GALNT18: variants seen among roughly 807,000 people sequenced by gnomAD.
The protein encoded by GALNT18 is polypeptide N-acetylgalactosaminyltransferase 18.
Under a neutral mutation model 69.5 loss-of-function variants are expected in GALNT18, and 44 were observed. That is an observed-to-expected ratio of 0.63 (90% confidence interval 0.50 to 0.81). The LOEUF (loss-of-function observed/expected upper bound fraction) is 0.81, where lower values mean the gene tolerates loss of function less well. Ranked by LOEUF, GALNT18 falls within the 40% of genes least tolerant of loss-of-function variation. The pLI, the probability that GALNT18 is intolerant of heterozygous loss-of-function variation, is 0.00. For missense variants in GALNT18, 715 were observed against 810.0 expected (o/e 0.88, Z 1.42); for synonymous variants, 364 against 318.2 (o/e 1.14, Z -1.53).
At chr11:11,487,689 A>C (rs1434207564) in intron 1 of GALNT18, among the ~76,000 whole-genome samples, 1 of 152,218 alleles carries the variant, frequency 6.6e-6, no homozygotes, top group Non-Finnish European at 1.5e-5. Context: ...AGCCCCAAGC[A>C]TTGCTCAGAA....
In GALNT18 at chr11:11,605,298, T is replaced by A. The variant is rs199614268; in HGVS notation, c.235+16061A>T. On this transcript the variant is annotated intron_variant, in intron 1 of 10. Coordinates refer to ENST00000227756, the MANE Select transcript of GALNT18 (RefSeq NM_198516.3). This position sits in a 1 kb window ranked among gnomAD's most constrained non-coding sequence, Gnocchi z 4.7. Reference sequence around the variant, plus strand: ...TGCCCACCTTGACACCTGGGCCATCTCCTCAAGGGATTTCCACAGGCAAGC... The same window carrying A: ...TGCCCACCTTGACACCTGGGCCATCACCTCAAGGGATTTCCACAGGCAAGC... 3.3e-5 allele frequency among the ~76,000 whole-genome samples: 5 copies of A among 152,254 alleles called. No homozygotes were observed. The East Asian group carries it at 9.7e-4, about 29-fold the overall frequency.
At chr11:11,520,578 T>A (rs1857373926) in intron 1 of GALNT18, among the ~76,000 whole-genome samples, 2 of 152,170 alleles carry the variant, frequency 1.3e-5, no homozygotes, top group African/African-American at 4.8e-5. Context: ...GCTGGCTTCC[T>A]GTGAGGCAGC....
At chr11:11,293,450 A>G (rs568304599) in intron 9 of GALNT18, among the ~76,000 whole-genome samples, 2 of 151,720 alleles carry the variant, frequency 1.3e-5, no homozygotes, top group South Asian at 4.2e-4. Flanking sequence ...TGTAATATAC[A>G]CTGATTTCTG....
At chr11:11,350,204 C>T (rs1366335049) in intron 6 of GALNT18, among the ~76,000 whole-genome samples, 1 of 152,182 alleles carries the variant, frequency 6.6e-6, no homozygotes, top group East Asian at 1.9e-4. Flanking sequence ...AACCCAGGGT[C>T]AAGTTAGAGG....
chr11:11,415,290 T>A lies in GALNT18; in HGVS notation c.595+17331A>T, dbSNP rs1442549506. The stretch of plus-strand genomic sequence containing the variant: ...GGACTCAGATTAGTATTTGCTTGAA[T>A]AACTCGGCGAAGTGAATATACACCA... On this transcript the variant is annotated intron_variant, in intron 3 of 10. Transcript: ENST00000227756. This position sits in a 1 kb window ranked among gnomAD's most constrained non-coding sequence, Gnocchi z 4.1. Among the ~76,000 whole-genome samples the A allele has an allele frequency of 1.3e-5, 2 of 152,130 alleles. No homozygotes were observed. The highest frequency in any genetic ancestry group is 2.9e-5 in the Non-Finnish European group (2 of 68,030).
chr11:11,579,297 T>C (rs1002951973), intron 1 of GALNT18, among the ~76,000 whole-genome samples: 6 of 152,128 alleles, frequency 3.9e-5, no homozygotes, highest in African/African-American at 1.4e-4. Context: ...GAGCCCCACC[T>C]GTCACCATAC....
chr11:11,585,960 A>G (rs112248464), intron 1 of GALNT18, among the ~76,000 whole-genome samples: 2,343 of 152,164 alleles, frequency 0.015, 61 homozygotes, highest in African/African-American at 0.053. Flanking sequence ...TAGAGCCCTC[A>G]TGGGTGGGAT....
intron 1 of GALNT18, among the ~76,000 whole-genome samples, chr11:11,536,672 G>T (rs912077941): frequency 3.9e-5 from 6 of 152,028 alleles, no homozygotes; most frequent in African/African-American, 1.4e-4. Context: ...AAACCTCCTG[G>T]TCCCTGCATG....
intron 1 of GALNT18, among the ~76,000 whole-genome samples, chr11:11,566,986 CT>C (rs1275506726): frequency 6.6e-6 from 1 of 152,168 alleles, no homozygotes; most frequent in Admixed American, 6.5e-5. Context: ...CTGCTTAGGC[CT>C]CTTTTTGCCT....
At position 11,371,569 on chromosome 11, in the gene GALNT18, G is replaced by A. The variant is rs534315790; in HGVS notation, c.1092+946C>T. ...AGGCACAGGGTTCTCTCCAAGCATC[G>A]GCAAGCCTGTAGAGTGTGGGGGTGG... On this transcript the variant is annotated intron_variant, in intron 6 of 10. Transcript: ENST00000227756. 7.7e-5 allele frequency among the ~76,000 whole-genome samples: 11 copies of A among 141,988 alleles called. No individual in the cohort carries two copies. In the South Asian group the frequency reaches 1.3e-3, roughly 17 times the overall value. The allele number at this position is 141,988 out of a possible 152,430, so 93.1% of individuals were successfully genotyped here. A position where few individuals can be genotyped will look rare whatever the true frequency, so the allele number is the denominator to read the frequency against.
chr11:11,376,929 A>G (rs571786513), intron 5 of GALNT18, among the ~76,000 whole-genome samples: 1 of 152,312 alleles, frequency 6.6e-6, no homozygotes, highest in South Asian at 2.1e-4. Context: ...CCCAACCTGG[A>G]GCACAGTGGT....
rs149221299 is a variant in GALNT18, at chr11:11,439,063, G to A, written c.429-6276C>T. ...AGGCAGCCTAGCACAGAAGCTCTGCGTAGCTGGATCTAGTAATTTTAAAGA... is the reference window on the plus strand; with the variant it reads ...AGGCAGCCTAGCACAGAAGCTCTGCATAGCTGGATCTAGTAATTTTAAAGA... On this transcript the variant is annotated intron_variant, in intron 2 of 10. Coordinates refer to ENST00000227756, the MANE Select transcript of GALNT18 (RefSeq NM_198516.3). The surrounding 1 kb of genome is among the most constrained non-coding windows in gnomAD (Gnocchi z 4.4). 2.0e-4 allele frequency among the ~76,000 whole-genome samples: 30 copies of A among 152,318 alleles called. No homozygotes were observed. The highest frequency in any genetic ancestry group is 1.2e-3 in the East Asian group (6 of 5,186).
At position 11,320,102 on chromosome 11, in the gene GALNT18, G is replaced by C. The variant is rs564804524; in HGVS notation, c.1512+6984C>G. ...GGCATGAGGAGACACTCACCTAAGAGACTCAGTTAGTAAGTGGCATGGCTG... is the reference window on the plus strand; with the variant it reads ...GGCATGAGGAGACACTCACCTAAGACACTCAGTTAGTAAGTGGCATGGCTG... On this transcript the variant is annotated intron_variant, in intron 9 of 10. Coordinates refer to ENST00000227756, the MANE Select transcript of GALNT18 (RefSeq NM_198516.3). The surrounding 1 kb of genome is among the most constrained non-coding windows in gnomAD (Gnocchi z 4.9). Among the ~76,000 whole-genome samples the C allele has an allele frequency of 3.3e-4, 50 of 152,298 alleles. No homozygotes were observed. The highest frequency in any genetic ancestry group is 1.1e-3 in the African/African-American group (47 of 41,566).
intron 6 of GALNT18, chr11:11,352,920 A>C: frequency 6.2e-7 from 1 of 1,607,686 alleles, no homozygotes. Flanking sequence ...GAGAATTTTA[A>C]CAACAACTTT....
rs771107244 is a variant in GALNT18 at position 11,341,217 on chromosome 11, T to C, written c.1093-213A>G. 9.2e-5 allele frequency among the ~76,000 whole-genome samples: 14 copies of C among 152,196 alleles called. No homozygotes were observed. Among genetic ancestry groups the C allele is most frequent in the Non-Finnish European group, 1.6e-4 (11 of 68,028 alleles). ...TCATTAATTCATATATTGGCTCTTA[T>C]TGCTGTGGATTTACCAACAAAAAAA... On this transcript the variant is annotated intron_variant, in intron 6 of 10. Transcript: ENST00000227756. The surrounding 1 kb of genome is among the most constrained non-coding windows in gnomAD (Gnocchi z 6.3).
intron 1 of GALNT18, among the ~76,000 whole-genome samples, chr11:11,512,607 A>C (rs1362284672): frequency 6.6e-6 from 1 of 152,228 alleles, no homozygotes; most frequent in Non-Finnish European, 1.5e-5. Flanking sequence ...AGCCATATCT[A>C]CATTATAGCT....
chr11:11,293,254 T>A, intron 9 of GALNT18, 61 bp from the exon 10 acceptor site: 1 of 1,278,054 alleles, frequency 7.8e-7, no homozygotes, highest in Non-Finnish European at 1.0e-6. Flanking sequence ...GACAGGAGCA[T>A]AGGTGGTGAT....
At chr11:11,567,933 C>T (rs1240062373) in intron 1 of GALNT18, among the ~76,000 whole-genome samples, 1 of 152,226 alleles carries the variant, frequency 6.6e-6, no homozygotes, top group East Asian at 1.9e-4. Context: ...TTACCACCCT[C>T]ACCCTGTCTT....
In GALNT18 at chr11:11,461,805, G is replaced by A. The variant is rs1160512566; in HGVS notation, c.236-12869C>T. On this transcript the variant is annotated intron_variant, in intron 1 of 10. Coordinates refer to ENST00000227756, the MANE Select transcript of GALNT18 (RefSeq NM_198516.3). The surrounding 1 kb of genome is among the most constrained non-coding windows in gnomAD (Gnocchi z 4.1). ...GTGGCCCTTGCCAGTAGGACAGCCTGCAGCCCAGAACAATGCCAGACGCCA... is the reference window on the plus strand; with the variant it reads ...GTGGCCCTTGCCAGTAGGACAGCCTACAGCCCAGAACAATGCCAGACGCCA... Among the ~76,000 whole-genome samples, 2 of 152,356 alleles carry A rather than the reference G, an allele frequency of 1.3e-5. No homozygotes were observed. Among genetic ancestry groups the A allele is most frequent in the Admixed American group, 6.5e-5 (1 of 15,314 alleles).
Sources: gnomAD v4.1 joint callset for allele counts (sites outside exome capture counted in the v4.1 genomes callset) on GRCh38, gnomAD v4.1.1 for gene constraint, Gnocchi (gnomAD v3.1) non-coding constraint, MANE v1.5 for transcripts, NCBI Gene and HGNC (gene_info 2026-07-23, HGNC 2026-07-21) for gene names.